TTC28: variants seen among roughly 807,000 people sequenced by gnomAD.
The protein encoded by TTC28 is tetratricopeptide repeat protein 28.
Under a neutral mutation model 198.0 loss-of-function variants are expected in TTC28, and 61 were observed. The observed-to-expected ratio is 0.31, with a 90% CI of 0.25 to 0.38. TTC28 has a LOEUF of 0.38. Ranked by LOEUF, TTC28 falls within the 10% of genes least tolerant of loss-of-function variation. The pLI is 1.00. For synonymous variants in TTC28, 1,171 were observed against 1,297.8 expected (o/e 0.90, Z 2.10); for missense variants, 2,678 against 3,164.0 (o/e 0.85, Z 3.69).
intron 2 of TTC28, among the ~76,000 whole-genome samples, chr22:28,522,917 AG>A (rs2048936170): frequency 6.6e-6 from 1 of 152,018 alleles, no homozygotes; most frequent in Non-Finnish European, 1.5e-5. Flanking sequence ...TAATGGGTAA[AG>A]GGTTTCTTTT....
At chr22:28,180,995 A>G (rs1257597509) in intron 5 of TTC28, among the ~76,000 whole-genome samples, 1 of 152,322 alleles carries the variant, frequency 6.6e-6, no homozygotes, top group African/African-American at 2.4e-5. Flanking sequence ...TGATTTGTAC[A>G]TATCTAAATT....
intron 5 of TTC28, among the ~76,000 whole-genome samples, chr22:28,279,063 A>AT (rs1397618264): frequency 1.3e-5 from 2 of 152,136 alleles, no homozygotes; most frequent in East Asian, 1.9e-4. Flanking sequence ...CAAGACTTCT[A>AT]TTTTTTATTT....
intron 1 of TTC28, among the ~76,000 whole-genome samples, chr22:28,674,066 T>A (rs1457142647): frequency 2.0e-5 from 3 of 152,154 alleles, no homozygotes; most frequent in African/African-American, 7.2e-5. Flanking sequence ...ACTTTTATTA[T>A]TTTTAATATT....
chr22:28,673,515 A>G (rs1007573705), intron 1 of TTC28, among the ~76,000 whole-genome samples: 2 of 152,192 alleles, frequency 1.3e-5, no homozygotes, highest in Non-Finnish European at 2.9e-5. Context: ...CATACTATGG[A>G]CGTAGTTCAG....
intron 5 of TTC28, among the ~76,000 whole-genome samples, chr22:28,281,644 TG>T (rs1347140690): frequency 6.6e-6 from 1 of 152,230 alleles, no homozygotes; most frequent in Non-Finnish European, 1.5e-5. Flanking sequence ...CTAACAACTT[TG>T]GACTACATCC....
intron 1 of TTC28, among the ~76,000 whole-genome samples, chr22:28,679,297 C>T (rs1360625833): frequency 6.6e-6 from 1 of 152,236 alleles, no homozygotes; most frequent in Non-Finnish European, 1.5e-5. Context: ...CCAGATTCCG[C>T]CCCACGGGGG....
intron 6 of TTC28, among the ~76,000 whole-genome samples, chr22:28,142,123 C>T (rs1943350435): frequency 6.6e-6 from 1 of 152,208 alleles, no homozygotes. Context: ...GACATTCTCC[C>T]TGGGAAGGTA....
At position 28,107,242 on chromosome 22, in the gene TTC28, C is replaced by A. The variant is rs201293211; in HGVS notation, c.2603G>T (p.Ser868Ile). The A allele has an allele frequency of 2.6e-6, 4 of 1,551,748 alleles. No individual in the cohort carries two copies. The highest frequency in any genetic ancestry group is 3.5e-6 in the Non-Finnish European group (4 of 1,147,004). ...EQQLAMLQQL[S>I]GNESVLDRGR... is the part of the protein sequence containing the mutation. ...CCTGTCGAGCACAGACTCATTTCCACTTAGCTGCTGCAGCATGGCCAATTG... is the reference window on the plus strand; with the variant it reads ...CCTGTCGAGCACAGACTCATTTCCAATTAGCTGCTGCAGCATGGCCAATTG... Residue 868 changes from serine (S) to isoleucine (I), a missense_variant, in exon 7 of 23, where the codon AGT becomes ATT. By Grantham distance (142) the Ser-to-Ile change is moderately radical. Coordinates refer to ENST00000397906, the MANE Select transcript of TTC28 (RefSeq NM_001145418.2).
At chr22:28,224,373 T>C (rs1315418261) in intron 5 of TTC28, among the ~76,000 whole-genome samples, 2 of 152,106 alleles carry the variant, frequency 1.3e-5, no homozygotes, top group Non-Finnish European at 2.9e-5. Flanking sequence ...AATGTGCCTG[T>C]CTTATACAGC....
intron 12 of TTC28, among the ~76,000 whole-genome samples, chr22:28,061,333 G>C (rs1326062019): frequency 6.6e-6 from 1 of 152,144 alleles, no homozygotes; most frequent in South Asian, 2.1e-4. Flanking sequence ...TTTTCTTCTA[G>C]GGTTTTTATG....
At chr22:28,551,798 T>C (rs1345651842) in intron 2 of TTC28, among the ~76,000 whole-genome samples, 4 of 152,192 alleles carry the variant, frequency 2.6e-5, no homozygotes, top group Non-Finnish European at 5.9e-5. Flanking sequence ...CTTGAAAGCA[T>C]TCCCCCTGTG....
intron 5 of TTC28, among the ~76,000 whole-genome samples, chr22:28,166,160 C>T (rs1175527413): frequency 6.6e-6 from 1 of 152,156 alleles, no homozygotes. Context: ...TACAGGAGCA[C>T]CCAGATTCAT....
At chr22:28,634,531 G>C (rs190540137) in intron 1 of TTC28, among the ~76,000 whole-genome samples, 1 of 150,552 alleles carries the variant, frequency 6.6e-6, no homozygotes, top group East Asian at 1.9e-4. Context: ...AAAAGAAACG[G>C]AAATTTCTAT....
chr22:28,074,310 G>A (rs1231696032), intron 12 of TTC28, among the ~76,000 whole-genome samples: 2 of 152,198 alleles, frequency 1.3e-5, no homozygotes, highest in Non-Finnish European at 2.9e-5. Context: ...GATTTGATAA[G>A]TTCAAATAAT....
rs964077841 is a variant in TTC28, at chr22:28,550,857, G to A, written c.381+78695C>T. On this transcript the variant is annotated intron_variant, in intron 2 of 22. Coordinates refer to ENST00000397906, the MANE Select transcript of TTC28 (RefSeq NM_001145418.2). ...CTCATATAAACTTAAGGCAAAGGGG[G>A]TGGAAAAAGATATTCCATGCAAATG... Among the ~76,000 whole-genome samples, 7 of 152,094 alleles carry A rather than the reference G, an allele frequency of 4.6e-5. No homozygotes were observed. The East Asian group carries it at 1.2e-3, about 25-fold the overall frequency.
chr22:28,071,872 C>T (rs186703581), intron 12 of TTC28, among the ~76,000 whole-genome samples: 4 of 151,882 alleles, frequency 2.6e-5, no homozygotes, highest in Admixed American at 2.6e-4. Context: ...TTAGCAGGAA[C>T]TCCTCACCGC....
At chr22:28,323,738 G>A (rs935112592) in intron 2 of TTC28, among the ~76,000 whole-genome samples, 1 of 152,098 alleles carries the variant, frequency 6.6e-6, no homozygotes, top group African/African-American at 2.4e-5. Flanking sequence ...CCAACCTAGA[G>A]AAAGATATCA....
chr22:28,653,941 C>T (rs899149190), intron 1 of TTC28, among the ~76,000 whole-genome samples: 8 of 152,192 alleles, frequency 5.3e-5, no homozygotes, highest in African/African-American at 1.4e-4. Context: ...AGATATTGTG[C>T]ACTCTCAAAT....
chr22:28,172,647 T>A (rs974437084), intron 5 of TTC28, among the ~76,000 whole-genome samples: 1 of 152,220 alleles, frequency 6.6e-6, no homozygotes, highest in African/African-American at 2.4e-5. Flanking sequence ...AGGGAAAGAC[T>A]ATTACATTGG....
Sources: gnomAD v4.1 joint callset for allele counts (sites outside exome capture counted in the v4.1 genomes callset) on GRCh38, gnomAD v4.1.1 for gene constraint, MANE v1.5 for transcripts, NCBI Gene and HGNC (gene_info 2026-07-23, HGNC 2026-07-21) for gene names.